Variants in IFIH1 observed in about 807,000 individuals in gnomAD.
The protein encoded by IFIH1 is interferon induced with helicase C domain 1.
In IFIH1, 125 loss-of-function variants were observed where a neutral mutation model predicts 107.4. The ratio of observed to expected loss-of-function variants is 1.16; its 90% CI spans 1.01 to 1.35. The LOEUF is 1.35. IFIH1 is among the 40% of genes most tolerant of loss of function. IFIH1 has a pLI of 0.00. For missense variants in IFIH1, 1,333 were observed against 1,213.7 expected (o/e 1.10, Z -1.46); for synonymous variants, 458 against 413.2 (o/e 1.11, Z -1.31).
chr2:162,303,774 C>G (rs1683233051), intron 3 of IFIH1, among the ~76,000 whole-genome samples: 1 of 152,002 alleles, frequency 6.6e-6, no homozygotes, highest in South Asian at 2.1e-4. Context: ...AAATTTAAAA[C>G]TTTGCCTTTA....
chr2:162,272,444 TG>T (rs1691061483), intron 12 of IFIH1, 57 bp from the exon 13 acceptor site: 1 of 1,431,280 alleles, frequency 7.0e-7, no homozygotes, highest in Non-Finnish European at 9.6e-7. Context: ...CAAATCCTCC[TG>T]GTTTTTTCTG....
intron 1 of IFIH1, among the ~76,000 whole-genome samples, chr2:162,314,416 T>TTTTCTTTCTTTCTTTCTTTCTTTC (rs760939547): frequency 1.7e-4 from 9 of 51,468 alleles, no homozygotes; most frequent in South Asian, 8.1e-4. Flanking sequence ...TCTTTCTTTC[T>TTTTCTTTCTTTCTTTCTTTCTTTC]TTTCTTTCTT....
At chr2:162,287,724 A>G (rs1682921249) in intron 5 of IFIH1, among the ~76,000 whole-genome samples, 1 of 151,936 alleles carries the variant, frequency 6.6e-6, no homozygotes, top group East Asian at 1.9e-4. Context: ...AGAAAGTAAA[A>G]AACAATATTT....
At chr2:162,280,214 G>T (rs1032589189) in intron 7 of IFIH1, 102 bp from the exon 8 acceptor site, 10 of 688,552 alleles carry the variant, frequency 1.5e-5, no homozygotes, top group Admixed American at 2.5e-5. Context: ...GCATTAAATT[G>T]TAGCATAAAT....
chr2:162,302,791 C>T (rs1683215050), intron 3 of IFIH1, among the ~76,000 whole-genome samples: 1 of 152,206 alleles, frequency 6.6e-6, no homozygotes, highest in African/African-American at 2.4e-5. Flanking sequence ...GAAGCAAACA[C>T]ACTACATTTT....
At chr2:162,299,437 A>G (rs923405834) in intron 3 of IFIH1, among the ~76,000 whole-genome samples, 2 of 152,166 alleles carry the variant, frequency 1.3e-5, no homozygotes, top group Non-Finnish European at 2.9e-5. Context: ...GCCCAGGTAA[A>G]TGTTCAACAA....
intron 13 of IFIH1, among the ~76,000 whole-genome samples, chr2:162,270,275 C>T (rs1691009829): frequency 6.6e-6 from 1 of 152,190 alleles, no homozygotes; most frequent in African/African-American, 2.4e-5. Flanking sequence ...TGATGATCAA[C>T]TTGCTCCTAG....
intron 13 of IFIH1, 73 bp downstream of exon 13, chr2:162,272,153 C>A: frequency 8.1e-7 from 1 of 1,228,672 alleles, no homozygotes; most frequent in South Asian, 1.3e-5. Context: ...GAGAATGAGT[C>A]ACAGAGATAT....
intron 13 of IFIH1, among the ~76,000 whole-genome samples, chr2:162,270,894 T>C (rs542858243): frequency 1.3e-5 from 2 of 152,036 alleles, no homozygotes; most frequent in Non-Finnish European, 2.9e-5. Flanking sequence ...AACCTTGGAG[T>C]TGGTAATAGC....
chr2:162,282,608 A>G (rs1452182790), intron 5 of IFIH1, 32 bp from the exon 6 acceptor site: 1 of 1,485,186 alleles, frequency 6.7e-7, no homozygotes, highest in East Asian at 2.4e-5. Context: ...TTTAAAAGAG[A>G]GAAAGTTAGT....
At chr2:162,301,537 C>A (rs1248604061) in intron 3 of IFIH1, among the ~76,000 whole-genome samples, 1 of 152,084 alleles carries the variant, frequency 6.6e-6, no homozygotes, top group African/African-American at 2.4e-5. Context: ...CACTTAATTT[C>A]CTTTGATTTT....
chr2:162,318,035 G>C lies in IFIH1; in HGVS notation c.273C>G (p.Ala91=). 1 of 1,614,146 alleles carries C rather than the reference G, an allele frequency of 6.2e-7. No homozygotes were observed. The highest frequency in any genetic ancestry group is 8.5e-7 in the Non-Finnish European group (1 of 1,180,038). Residue 91 remains alanine (A), a synonymous_variant, in exon 1 of 16, where the codon GCC becomes GCG. Transcript: ENST00000649979. ...EALRRTGSPL[A]ARYMNPELTD... ...TGAGCTCAGGGTTCATGTAGCGGGC[G>C]GCCAGAGGGCTGCCGGTTCTCCGGA...
At chr2:162,270,601 G>A (rs1306086370) in intron 13 of IFIH1, among the ~76,000 whole-genome samples, 2 of 152,010 alleles carry the variant, frequency 1.3e-5, no homozygotes, top group Non-Finnish European at 2.9e-5. Flanking sequence ...TCCATTCTGG[G>A]GCACCCAAAG....
chr2:162,312,019 G>C (rs965263666), intron 1 of IFIH1, among the ~76,000 whole-genome samples: 5 of 152,130 alleles, frequency 3.3e-5, no homozygotes, highest in Non-Finnish European at 5.9e-5. Context: ...CAGCCTCCCA[G>C]ATAAGAAATA....
intron 4 of IFIH1, among the ~76,000 whole-genome samples, chr2:162,289,760 A>G (rs989211668): frequency 6.6e-6 from 1 of 151,920 alleles, no homozygotes; most frequent in Admixed American, 6.6e-5. Context: ...GTAAAAACAG[A>G]TGCAATACAT....
At chr2:162,276,484 A>G (rs1691156881) in intron 11 of IFIH1, among the ~76,000 whole-genome samples, 1 of 152,102 alleles carries the variant, frequency 6.6e-6, no homozygotes, top group Admixed American at 6.5e-5. Flanking sequence ...GCACACCTAG[A>G]GTCCCAGCTG....
intron 4 of IFIH1, among the ~76,000 whole-genome samples, chr2:162,292,053 G>A (rs755643133): frequency 1.3e-5 from 2 of 151,796 alleles, no homozygotes; most frequent in South Asian, 2.1e-4. Flanking sequence ...AAATACATTT[G>A]TTAACAGCTC....
chr2:162,267,741 T>A (rs1690954517), intron 14 of IFIH1, among the ~76,000 whole-genome samples, 172 bp from the exon 15 acceptor site: 1 of 152,234 alleles, frequency 6.6e-6, no homozygotes, highest in African/African-American at 2.4e-5. Flanking sequence ...AATGCTTCTC[T>A]TCTACACATA....
chr2:162,267,863 G>A (rs1415528319), intron 14 of IFIH1, among the ~76,000 whole-genome samples: 4 of 152,186 alleles, frequency 2.6e-5, no homozygotes, highest in South Asian at 2.1e-4. Context: ...ACAAAAATAC[G>A]TGCCTTGGAT....
Sources: gnomAD v4.1 joint callset for allele counts (sites outside exome capture counted in the v4.1 genomes callset) on GRCh38, gnomAD v4.1.1 for gene constraint, MANE v1.5 for transcripts, NCBI Gene and HGNC (gene_info 2026-07-23, HGNC 2026-07-21) for gene names.